Variants in HIVEP2 observed in about 807,000 individuals in gnomAD.
The protein encoded by HIVEP2 is HIVEP zinc finger 2, also known as transcription factor HIVEP2.
In HIVEP2, 14 loss-of-function variants were observed where a neutral mutation model predicts 180.7. That is an observed-to-expected ratio of 0.08 (90% CI 0.05 to 0.12). The LOEUF (loss-of-function observed/expected upper bound fraction) is 0.12, where lower values mean the gene tolerates loss of function less well. HIVEP2 is among the 10% of genes least tolerant of loss of function. The pLI is 1.00. For missense variants in HIVEP2, 2,579 were observed against 3,008.5 expected, an observed-to-expected ratio of 0.86 and a Z score of 3.34; for synonymous variants, 1,184 against 1,136.4, an observed-to-expected ratio of 1.04 and a Z score of -0.84.
At chr6:142,822,564 G>A (rs1415163249) in intron 2 of HIVEP2, among the ~76,000 whole-genome samples, 4 of 152,166 alleles carry the variant, frequency 2.6e-5, no homozygotes, top group African/African-American at 9.7e-5. Context: ...TGAAGGAAGT[G>A]CTAAACTTCA....
chr6:142,802,490 CTAG>C (rs1315277183), intron 2 of HIVEP2, among the ~76,000 whole-genome samples: 1 of 151,618 alleles, frequency 6.6e-6, no homozygotes, highest in Non-Finnish European at 1.5e-5. Flanking sequence ...AATGAACTGA[CTAG>C]TACATCTGAG....
intron 1 of HIVEP2, among the ~76,000 whole-genome samples, chr6:142,838,183 A>C (rs1775273741): frequency 6.6e-6 from 1 of 152,144 alleles, no homozygotes; most frequent in African/African-American, 2.4e-5. Context: ...GAGAAGACAA[A>C]TAGCAGTAAC....
chr6:142,862,179 G>A (rs1219359017), intron 1 of HIVEP2, among the ~76,000 whole-genome samples: 1 of 151,932 alleles, frequency 6.6e-6, no homozygotes, highest in African/African-American at 2.4e-5. Context: ...CCCAAAACGT[G>A]TGTTTGACTA....
chr6:142,753,975 C>T (rs765318754), intron 9 of HIVEP2, 44 bp from the exon 10 acceptor site: 106 of 1,037,814 alleles, frequency 1.0e-4, no homozygotes, highest in South Asian at 1.8e-4. Flanking sequence ...GAGCCTGCTA[C>T]GCTTCATTCT....
At chr6:142,767,788 T>C (rs73780160) in intron 6 of HIVEP2, among the ~76,000 whole-genome samples, 3 of 152,206 alleles carry the variant, frequency 2.0e-5, no homozygotes, top group African/African-American at 7.2e-5. Flanking sequence ...GACTCAAGAT[T>C]TGAAAAGAAA....
intron 2 of HIVEP2, among the ~76,000 whole-genome samples, chr6:142,812,948 C>T (rs1776735455): frequency 6.6e-6 from 1 of 152,016 alleles, no homozygotes; most frequent in Non-Finnish European, 1.5e-5. Context: ...AAATACTTGG[C>T]CCTACTTGAA....
intron 2 of HIVEP2, among the ~76,000 whole-genome samples, chr6:142,804,915 A>G (rs1776509351): frequency 6.6e-6 from 1 of 152,184 alleles, no homozygotes; most frequent in South Asian, 2.1e-4. Context: ...TTAAAGATGA[A>G]TGGAGAATAG....
chr6:142,766,986 A>G (rs1350370341), intron 6 of HIVEP2, among the ~76,000 whole-genome samples: 2 of 152,248 alleles, frequency 1.3e-5, no homozygotes, highest in Non-Finnish European at 2.9e-5. Context: ...ATTAAGAAGT[A>G]ATGGGACACA....
chr6:142,854,736 T>C (rs553390193), intron 1 of HIVEP2, among the ~76,000 whole-genome samples: 7 of 152,310 alleles, frequency 4.6e-5, no homozygotes, highest in African/African-American at 1.7e-4. Context: ...CACATCCTGC[T>C]TCTTAAGCTT....
chr6:142,772,451 G>A lies in HIVEP2; in HGVS notation c.2288C>T (p.Pro763Leu), dbSNP rs1386140981. 1 of 1,614,198 alleles carries A rather than the reference G, an allele frequency of 6.2e-7. No individual in the cohort carries two copies. The highest frequency in any genetic ancestry group is 8.5e-7 in the Non-Finnish European group (1 of 1,180,038). Residue 763 changes from proline (P) to leucine (L), a missense_variant, in exon 5 of 10, where the codon CCC becomes CTC. By Grantham distance (98) the Pro-to-Leu change is moderately conservative (BLOSUM62 -3). Coordinates refer to ENST00000367603, the MANE Select transcript of HIVEP2 (RefSeq NM_006734.4). This position sits in a 1 kb window ranked among gnomAD's most constrained non-coding sequence, Gnocchi z 4.9. Reference sequence around the variant, plus strand: ...AGATGGACTTCCAGGCTGCAGTTGGGGCCGACATGGGTCAAAGCGTTCCGT... The same window carrying A: ...AGATGGACTTCCAGGCTGCAGTTGGAGCCGACATGGGTCAAAGCGTTCCGT... Reference protein sequence around the residue: ...GHTERFDPCRPQLQPGSPSLV... With the variant: ...GHTERFDPCRLQLQPGSPSLV...
In HIVEP2 at chr6:142,769,595, G is replaced by A. The variant is rs1165596072; in HGVS notation, c.5144C>T (p.Thr1715Ile). The stretch of plus-strand genomic sequence containing the variant: ...AGCACTTGATGATGTAAGCTTGCCG[G>A]TTCCAGGCCTATGCATAGCAGCCAG... ...YTLAAMHRPG[T>I]GKLTSSSAWK... The change falls in exon 5 of 10, where the codon ACC (threonine) becomes ATC (isoleucine). Residue 1715 changes from threonine (T) to isoleucine (I), a missense_variant. Transcript: ENST00000367603. The A allele has an allele frequency of 1.2e-6, 2 of 1,614,158 alleles. No individual in the cohort carries two copies. The highest frequency in any genetic ancestry group is 2.2e-5 in the East Asian group (1 of 44,892).
At chr6:142,910,382 C>A (rs1313375625) in intron 1 of HIVEP2, among the ~76,000 whole-genome samples, 1 of 152,154 alleles carries the variant, frequency 6.6e-6, no homozygotes, top group African/African-American at 2.4e-5. Flanking sequence ...GCAGGCAGAT[C>A]ACGAGGTCAA....
Position 142,772,437 on chromosome 6 carries a change from C to T in HIVEP2, c.2302G>A (p.Gly768Arg). 6.2e-7 allele frequency: 1 copy of T among 1,614,222 alleles called. No homozygotes were observed. Among genetic ancestry groups the T allele is most frequent in the Non-Finnish European group, 8.5e-7 (1 of 1,180,046 alleles). The change falls in exon 5 of 10, where the codon GGA becomes AGA. Residue 768 changes from glycine (G) to arginine (R), a missense_variant. Transcript: ENST00000367603. The surrounding 1 kb of genome is among the most constrained non-coding windows in gnomAD (Gnocchi z 4.9). The stretch of plus-strand genomic sequence containing the variant: ...TCCTCTGACACAAGAGATGGACTTC[C>T]AGGCTGCAGTTGGGGCCGACATGGG... ...FDPCRPQLQP[G>R]SPSLVSEESP...
At chr6:142,912,885 T>C (rs1418503872) in intron 1 of HIVEP2, among the ~76,000 whole-genome samples, 1 of 152,250 alleles carries the variant, frequency 6.6e-6, no homozygotes, top group Non-Finnish European at 1.5e-5. Flanking sequence ...TGATCATTCC[T>C]ACGAGGTAGA....
intron 2 of HIVEP2, among the ~76,000 whole-genome samples, chr6:142,806,757 GATGTTCTT>G (rs1776564339): frequency 6.6e-6 from 1 of 152,112 alleles, no homozygotes; most frequent in Non-Finnish European, 1.5e-5. Flanking sequence ...CATACCATGT[GATGTTCTT>G]ATGCTCAGCT....
chr6:142,930,037 T>G (rs1777904877), intron 1 of HIVEP2, among the ~76,000 whole-genome samples: 1 of 152,164 alleles, frequency 6.6e-6, no homozygotes, highest in Non-Finnish European at 1.5e-5. Flanking sequence ...CACCAGTCAT[T>G]TGTTGTTTTT....
chr6:142,820,571 T>TCTTCCC (rs1777006722), intron 2 of HIVEP2, among the ~76,000 whole-genome samples: 1 of 152,206 alleles, frequency 6.6e-6, no homozygotes, highest in Admixed American at 6.5e-5. Flanking sequence ...GTTCATGAAT[T>TCTTCCC]CAAGTCTTAC....
At chr6:142,865,019 T>C (rs923814565) in intron 1 of HIVEP2, among the ~76,000 whole-genome samples, 2 of 152,208 alleles carry the variant, frequency 1.3e-5, no homozygotes, top group Non-Finnish European at 2.9e-5. Flanking sequence ...CAAAAATAGT[T>C]TCCTCCAGCA....
At chr6:142,854,376 G>A (rs1466588355) in intron 1 of HIVEP2, among the ~76,000 whole-genome samples, 4 of 152,242 alleles carry the variant, frequency 2.6e-5, no homozygotes, top group African/African-American at 9.6e-5. Flanking sequence ...TAAGAAAACC[G>A]GTAACATTGT....
Sources: allele counts gnomAD v4.1 joint callset (sites outside exome capture counted in the v4.1 genomes callset), GRCh38; gene constraint gnomAD v4.1.1; non-coding constraint Gnocchi (gnomAD v3.1); transcripts MANE v1.5; gene names NCBI Gene and HGNC (gene_info 2026-07-23, HGNC 2026-07-21).